STK36: variants seen among roughly 807,000 people sequenced by gnomAD.
STK36 encodes serine/threonine-protein kinase 36.
STK36 carries 116 observed loss-of-function variants against 142.2 expected under a neutral mutation model. The observed-to-expected ratio is 0.82, with a 90% CI of 0.70 to 0.95. The LOEUF is 0.95. STK36 is among the 40% of genes least tolerant of loss of function. The pLI is 0.00. For missense variants in STK36, 1,422 were observed against 1,617.2 expected (o/e 0.88, Z 2.07); for synonymous variants, 619 against 641.7 (o/e 0.96, Z 0.53).
rs763847065 is a variant in STK36, at chr2:218,699,279, C to T, written c.3735C>T (p.Pro1245=). ...QRLLEMACGD[P]QPNVKEAALI... ...TCCTAGAAATGGCATGTGGAGACCCCCAGCCAAATGTGAAGGAGGCTGCCC... is the reference window on the plus strand; with the variant it reads ...TCCTAGAAATGGCATGTGGAGACCCTCAGCCAAATGTGAAGGAGGCTGCCC... The change falls in exon 26 of 27, where the codon CCC becomes CCT. Residue 1245 remains proline, a synonymous_variant. Transcript: ENST00000295709. 8.7e-6 allele frequency: 14 copies of T among 1,613,906 alleles called. No homozygotes were observed. The highest frequency in any genetic ancestry group is 1.6e-4 in the Middle Eastern group (1 of 6,084).
chr2:218,692,121 C>T (rs1216547200), intron 14 of STK36, 22 bp from the exon 15 acceptor site: 2 of 1,609,868 alleles, frequency 1.2e-6, no homozygotes, highest in African/African-American at 2.7e-5. Flanking sequence ...CCTGATGCTA[C>T]CTCTGCACTT....
At position 218,697,530 on chromosome 2, in the gene STK36, C is replaced by T. The variant is rs772361968; in HGVS notation, c.2829C>T (p.Cys943=). ...FTQEPQLCLS[C]LSQHGSILMS... is the part of the protein sequence containing the mutation. The stretch of plus-strand genomic sequence containing the variant: ...AGGAGCCCCAGTTATGCCTGAGCTG[C>T]CTGTCCCAGCATGGAAGTATCCTCA... Residue 943 remains cysteine, a synonymous_variant, in exon 24 of 27, where the codon TGC becomes TGT. Transcript: ENST00000295709. 10 of 1,614,236 alleles carry T rather than the reference C, an allele frequency of 6.2e-6. No individual in the cohort carries two copies. The highest frequency in any genetic ancestry group is 3.3e-5 in the Admixed American group (2 of 60,022).
chr2:218,674,778 T>C (rs1240035201), intron 4 of STK36, among the ~76,000 whole-genome samples: 1 of 152,072 alleles, frequency 6.6e-6, no homozygotes, highest in Non-Finnish European at 1.5e-5. Context: ...TTTTGTACTT[T>C]TAGTAGAGAT....
At chr2:218,685,031 A>G (rs958925607) in intron 10 of STK36, 54 bp from the exon 11 acceptor site, 12 of 1,603,324 alleles carry the variant, frequency 7.5e-6, no homozygotes, top group Non-Finnish European at 1.0e-5. Flanking sequence ...GTTGGGATCT[A>G]CTACCTTAGA....
chr2:218,677,570 T>C (rs946311290), intron 6 of STK36, among the ~76,000 whole-genome samples: 23 of 152,348 alleles, frequency 1.5e-4, no homozygotes, highest in African/African-American at 5.3e-4. Context: ...AGATCGATAC[T>C]GGTCCTCTTA....
Position 218,679,994 on chromosome 2 carries a change from A to G in STK36, c.1050A>G (p.Glu350=). ...CCAGACTCGGGGCCACTCCTCAGGA[A>G]TCAAGCCTCCTGGCCGGGATCTTAG... ...PLPRLGATPQ[E]SSLLAGILAS... Residue 350 remains glutamate, a synonymous_variant, in exon 9 of 27, where the codon GAA becomes GAG. Coordinates refer to ENST00000295709, the MANE Select transcript of STK36 (RefSeq NM_015690.5). 2 of 1,614,200 alleles carry G rather than the reference A, an allele frequency of 1.2e-6. No individual in the cohort carries two copies. The highest frequency in any genetic ancestry group is 8.5e-7 in the Non-Finnish European group (1 of 1,180,030).
chr2:218,680,363 C>T (rs1466054467), intron 9 of STK36, among the ~76,000 whole-genome samples: 1 of 152,108 alleles, frequency 6.6e-6, no homozygotes, highest in African/African-American at 2.4e-5. Context: ...AGTTGAAAGC[C>T]ATAGGTGAAA....
In STK36 at chr2:218,688,909, A is replaced by T. The variant is rs138323779; in HGVS notation, c.1560+33A>T. 2.3e-4 allele frequency: 359 copies of T among 1,534,948 alleles called. 3 individuals are homozygous for T. The East Asian group carries it at 8.4e-3, about 36-fold the overall frequency. On this transcript the variant is annotated intron_variant, in intron 12 of 26. Coordinates refer to ENST00000295709, the MANE Select transcript of STK36 (RefSeq NM_015690.5). The stretch of plus-strand genomic sequence containing the variant: ...CCAGGCCAGAAGCCTCTGAAGACTT[A>T]CAGAGGTTCTTTTTCTTGGATTTAT...
rs1475812418 is a variant in STK36, at chr2:218,698,638, C to T, written c.3094C>T (p.Leu1032=). ...CCATCTTCCGTTGATGCAAGTGGAG[C>T]TGCCCATCAGCCTTCTCACACGCCT... ...CYHLPLMQVE[L]PISLLTRLAL... Residue 1032 remains leucine, a synonymous_variant, in exon 26 of 27, where the codon CTG becomes TTG. Transcript: ENST00000295709. The T allele has an allele frequency of 1.9e-6, 3 of 1,613,972 alleles. No homozygotes were observed. The African/African-American group carries it at 4.0e-5, about 22-fold the overall frequency.
At chr2:218,677,037 A>G (rs558958519) in intron 6 of STK36, among the ~76,000 whole-genome samples, 8 of 149,206 alleles carry the variant, frequency 5.4e-5, no homozygotes, top group South Asian at 2.1e-4. Flanking sequence ...AGGTTCAAGC[A>G]ATTCTTCTGC....
chr2:218,698,769 A>G lies in STK36; in HGVS notation c.3225A>G (p.Pro1075=). ...CAGTTGCCCTCCTGAGTGACCAGCC[A>G]CTGTTGACCTCCGACCTTCTCTCTC... ...FLSVALLSDQ[P]LLTSDLLSLL... is the part of the protein sequence containing the mutation. The change falls in exon 26 of 27, where the codon CCA becomes CCG. Residue 1075 remains proline (P), a synonymous_variant. Coordinates refer to ENST00000295709, the MANE Select transcript of STK36 (RefSeq NM_015690.5). 1.2e-6 allele frequency: 2 copies of G among 1,614,036 alleles called. No homozygotes were observed. The highest frequency in any genetic ancestry group is 1.7e-6 in the Non-Finnish European group (2 of 1,180,004).
intron 5 of STK36, 39 bp from the exon 6 acceptor site, chr2:218,675,976 CCAGGTTTAGAATAT>C (rs1940223473): frequency 1.9e-6 from 3 of 1,601,272 alleles, no homozygotes; most frequent in Non-Finnish European, 2.6e-6. Flanking sequence ...GTAGTAGTGA[CCAGGTTTAGAATAT>C]CTTTTCCCTT....
intron 10 of STK36, among the ~76,000 whole-genome samples, chr2:218,683,571 C>T (rs1376068396): frequency 6.6e-6 from 1 of 152,020 alleles, no homozygotes; most frequent in African/African-American, 2.4e-5. Flanking sequence ...CTGCACCAGG[C>T]CTATTTTTAT....
rs1350676746 is a variant in STK36 at position 218,693,841 on chromosome 2, C to A, written c.2247+20C>A. The A allele has an allele frequency of 1.2e-6, 2 of 1,614,098 alleles. No individual in the cohort carries two copies. Among genetic ancestry groups the A allele is most frequent in the Non-Finnish European group, 1.7e-6 (2 of 1,179,942 alleles). ...GGCAAGGTAAGCCAGCTTCCCCTGGCAGCCCCACTGTCTCAGCCAGAGGTT... is the reference window on the plus strand; with the variant it reads ...GGCAAGGTAAGCCAGCTTCCCCTGGAAGCCCCACTGTCTCAGCCAGAGGTT... On this transcript the variant is annotated intron_variant, in intron 18 of 26. Transcript: ENST00000295709.
intron 15 of STK36, 60 bp from the exon 16 acceptor site, chr2:218,692,523 T>C: frequency 6.4e-7 from 1 of 1,564,236 alleles, no homozygotes; most frequent in Non-Finnish European, 8.6e-7. Context: ...TGAGTACTGG[T>C]GCTATTGTCT....
At chr2:218,692,388 A>G (rs1941038764) in intron 15 of STK36, 95 bp downstream of exon 15, 1 of 1,546,424 alleles carries the variant, frequency 6.5e-7, no homozygotes, top group African/African-American at 1.4e-5. Context: ...CGCACCTGGC[A>G]TTTAGTAGGT....
Position 218,701,933 on chromosome 2 carries a change from A to G in STK36, c.3872A>G (p.His1291Arg). 1 of 1,614,120 alleles carries G rather than the reference A, an allele frequency of 6.2e-7. No individual in the cohort carries two copies. Among genetic ancestry groups the G allele is most frequent in the Non-Finnish European group, 8.5e-7 (1 of 1,180,012 alleles). Residue 1291 changes from histidine to arginine, a missense_variant, in exon 27 of 27, where the codon CAC (histidine) becomes CGC (arginine). Coordinates refer to ENST00000295709, the MANE Select transcript of STK36 (RefSeq NM_015690.5). ...LLSLGNQSLP[H>R]SSPRPASAKH... ...TCTCTGGGGAATCAGTCACTGCCAC[A>G]CAGCAGTCCTAGGCCTGCCTCTGCC...
intron 4 of STK36, 71 bp downstream of exon 4, chr2:218,674,027 T>G (rs1940120396): frequency 2.1e-6 from 3 of 1,446,016 alleles, no homozygotes; most frequent in Non-Finnish European, 2.9e-6. Flanking sequence ...TAGAGCAAGC[T>G]AAGGACACTG....
chr2:218,685,731 G>C (rs948456761), intron 11 of STK36, among the ~76,000 whole-genome samples: 3 of 152,086 alleles, frequency 2.0e-5, no homozygotes, highest in African/African-American at 7.2e-5. Flanking sequence ...ACCTTACTTT[G>C]CTCCTCTGAA....
Sources: allele counts gnomAD v4.1 joint callset (sites outside exome capture counted in the v4.1 genomes callset), GRCh38; gene constraint gnomAD v4.1.1; transcripts MANE v1.5; gene names NCBI Gene and HGNC (gene_info 2026-07-23, HGNC 2026-07-21).